The following AGAP1 variants were observed in gnomAD, a reference collection of about 807,000 sequenced individuals.
AGAP1 encodes ArfGAP with GTPase domain, ankyrin repeat and PH domain 1.
In AGAP1, 29 loss-of-function variants were observed where a neutral mutation model predicts 105.3. The observed-to-expected ratio is 0.28, with a 90% CI of 0.21 to 0.38. The LOEUF is 0.38. AGAP1 is among the 10% of genes least tolerant of loss of function. The probability of loss-of-function intolerance (pLI) is 1.00; values close to 1 mark genes in which losing one functional copy is unlikely to be tolerated. For missense variants in AGAP1, 998 were observed against 1,165.1 expected (o/e 0.86, Z 2.09); for synonymous variants, 509 against 485.9 (o/e 1.05, Z -0.63).
chr2:235,509,881 C>T (rs1311599534), intron 1 of AGAP1, among the ~76,000 whole-genome samples: 1 of 152,154 alleles, frequency 6.6e-6, no homozygotes, highest in Non-Finnish European at 1.5e-5. Flanking sequence ...TCTGTATTTA[C>T]AGCCACTCCC....
At chr2:235,653,491 A>T (rs1428276199) in intron 1 of AGAP1, among the ~76,000 whole-genome samples, 2 of 138,380 alleles carry the variant, frequency 1.4e-5, no homozygotes, top group African/African-American at 5.2e-5. Context: ...AAATAAAATA[A>T]AATAAAATAT....
At position 235,882,572 on chromosome 2, in the gene AGAP1, C is replaced by T; in HGVS notation, c.1051-773C>T. 2 of 604,690 alleles carry T rather than the reference C, an allele frequency of 3.3e-6. No homozygotes were observed. 37.5% of individuals were successfully genotyped at this position (604,690 alleles called of 1,614,324 possible). A position where few individuals can be genotyped will look rare whatever the true frequency, so the allele number is the denominator to read the frequency against. On this transcript the variant is annotated intron_variant, in intron 9 of 17. Coordinates refer to ENST00000304032, the MANE Select transcript of AGAP1 (RefSeq NM_001037131.3). The surrounding 1 kb of genome is among the most constrained non-coding windows in gnomAD (Gnocchi z 4.6). ...TCTGCCTCCTGGGTTCAAGCAATTC[C>T]CCTGCTCAGCCTCCCCGAGTAGCTG... is the stretch of plus-strand genomic sequence containing the variant.
chr2:235,679,213 G>C (rs1948928235), intron 1 of AGAP1, among the ~76,000 whole-genome samples: 1 of 152,170 alleles, frequency 6.6e-6, no homozygotes, highest in Non-Finnish European at 1.5e-5. Context: ...CCTGAGCTCT[G>C]TCTACCTTGT....
At chr2:236,091,668 A>G (rs1391557120) in intron 16 of AGAP1, among the ~76,000 whole-genome samples, 3 of 152,202 alleles carry the variant, frequency 2.0e-5, no homozygotes, top group Admixed American at 6.5e-5. Flanking sequence ...GCTACTCAGG[A>G]GACTGAGGCA....
chr2:235,530,383 GT>G (rs1943000009), intron 1 of AGAP1, among the ~76,000 whole-genome samples: 1 of 152,154 alleles, frequency 6.6e-6, no homozygotes, highest in African/African-American at 2.4e-5. Context: ...CCCTGTGTCC[GT>G]TTCCCATTGC....
chr2:235,626,347 G>C (rs529474405), intron 1 of AGAP1, among the ~76,000 whole-genome samples: 1 of 152,328 alleles, frequency 6.6e-6, no homozygotes, highest in African/African-American at 2.4e-5. Flanking sequence ...GACAGAGTGA[G>C]ACTGTCTCAA....
intron 1 of AGAP1, among the ~76,000 whole-genome samples, chr2:235,583,271 CT>C (rs1246045362): frequency 6.6e-6 from 1 of 152,078 alleles, no homozygotes; most frequent in African/African-American, 2.4e-5. Flanking sequence ...ACATGTCTTA[CT>C]GCGGCCTTGA....
intron 13 of AGAP1, among the ~76,000 whole-genome samples, chr2:235,997,025 A>G (rs780423344): frequency 7.2e-5 from 11 of 152,218 alleles, no homozygotes; most frequent in Non-Finnish European, 1.5e-4. Context: ...TTTACCCATA[A>G]TGAAGACAGG....
At chr2:235,588,965 T>C (rs544786093) in intron 1 of AGAP1, among the ~76,000 whole-genome samples, 1 of 152,240 alleles carries the variant, frequency 6.6e-6, no homozygotes, top group South Asian at 2.1e-4. Context: ...TATTTCCCAC[T>C]GTTCGTTGTG....
At chr2:235,603,937 T>C (rs1945826965) in intron 1 of AGAP1, among the ~76,000 whole-genome samples, 1 of 152,160 alleles carries the variant, frequency 6.6e-6, no homozygotes, top group Non-Finnish European at 1.5e-5. Flanking sequence ...AGTTGCAGTC[T>C]TGGCACAGGC....
At chr2:235,681,845 T>C (rs1181148680) in intron 1 of AGAP1, among the ~76,000 whole-genome samples, 210 of 15,026 alleles carry the variant, frequency 0.014, no homozygotes, top group African/African-American at 0.079. Context: ...TTAGTTTGCT[T>C]TTTTTTTTTT....
chr2:235,644,695 A>C (rs1476313677), intron 1 of AGAP1, among the ~76,000 whole-genome samples: 2 of 152,150 alleles, frequency 1.3e-5, no homozygotes, highest in Non-Finnish European at 2.9e-5. Flanking sequence ...ACTGATATGC[A>C]GCACAGTGCA....
intron 9 of AGAP1, among the ~76,000 whole-genome samples, chr2:235,871,581 G>A (rs1243079585): frequency 6.6e-6 from 1 of 152,198 alleles, no homozygotes; most frequent in South Asian, 2.1e-4. Flanking sequence ...CAAAGCCACT[G>A]CCATGTGTTT....
At chr2:236,030,244 A>G (rs1396630767) in intron 13 of AGAP1, among the ~76,000 whole-genome samples, 1 of 151,210 alleles carries the variant, frequency 6.6e-6, no homozygotes, top group Non-Finnish European at 1.5e-5. Flanking sequence ...AACTCCTGAC[A>G]CCTTAGGTGA....
rs574905095 is a variant in AGAP1, at chr2:235,645,852, G to A, written c.164-63327G>A. Among the ~76,000 whole-genome samples, 6 of 152,292 alleles carry A rather than the reference G, an allele frequency of 3.9e-5. No homozygotes were observed. The South Asian group carries it at 8.3e-4, about 21-fold the overall frequency. On this transcript the variant is annotated intron_variant, in intron 1 of 17. Coordinates refer to ENST00000304032, the MANE Select transcript of AGAP1 (RefSeq NM_001037131.3). ...TAGAGAGCTTTTCTAATTTTTGAGC[G>A]AGGGTCTTGTCTGAGAATTATAGCT...
intron 1 of AGAP1, chr2:235,671,029 C>T (rs1374614364): frequency 7.7e-7 from 1 of 1,298,804 alleles, no homozygotes; most frequent in Non-Finnish European, 9.7e-7. Context: ...CGTCCAGCGC[C>T]GAGAGCATCG....
Position 235,971,740 on chromosome 2 carries a change from A to ATTTT in AGAP1, c.1645+3118_1645+3121dup, listed in dbSNP as rs1235452352. The stretch of plus-strand genomic sequence containing the variant: ...AACTAAAGCTAGTTATATATGTTTT[A>ATTTT]TTTTATTTATTTATTTATTTATTTA... On this transcript the variant is annotated intron_variant, in intron 13 of 17. Transcript: ENST00000304032. This position sits in a 1 kb window ranked among gnomAD's most constrained non-coding sequence, Gnocchi z 4.8. Among the ~76,000 whole-genome samples, 7 of 136,296 alleles carry ATTTT rather than the reference A, an allele frequency of 5.1e-5. No individual in the cohort carries two copies. The highest frequency in any genetic ancestry group is 2.2e-4 in the African/African-American group (7 of 31,180). 89.4% of individuals were successfully genotyped at this position (136,296 alleles called of 152,430 possible). A position where few individuals can be genotyped will look rare whatever the true frequency, so the allele number is the denominator to read the frequency against.
intron 6 of AGAP1, chr2:235,773,881 A>G: frequency 2.2e-6 from 1 of 449,910 alleles, no homozygotes; most frequent in Non-Finnish European, 4.5e-6. Context: ...CATTTATTGA[A>G]GAGACTTTTT....
chr2:235,810,030 C>G (rs578034915), intron 9 of AGAP1, among the ~76,000 whole-genome samples: 2 of 152,192 alleles, frequency 1.3e-5, no homozygotes, highest in Non-Finnish European at 2.9e-5. Flanking sequence ...GACCAGGCCT[C>G]TCTGCCCCTA....
Sources: allele counts gnomAD v4.1 joint callset (sites outside exome capture counted in the v4.1 genomes callset), GRCh38; gene constraint gnomAD v4.1.1; non-coding constraint Gnocchi (gnomAD v3.1); transcripts MANE v1.5; gene names NCBI Gene and HGNC (gene_info 2026-07-23, HGNC 2026-07-21).